The following TSGA10 variants were observed in gnomAD, a reference collection of about 807,000 sequenced individuals.
TSGA10 encodes testis specific 10, also known as testis-specific gene 10 protein.
A neutral mutation model predicts 96.6 loss-of-function variants in TSGA10; 43 were observed. That is an observed-to-expected ratio of 0.44 (90% CI 0.35 to 0.57). The LOEUF (loss-of-function observed/expected upper bound fraction) is 0.57, where lower values mean the gene tolerates loss of function less well. Ranked by LOEUF, TSGA10 falls within the 20% of genes least tolerant of loss-of-function variation. TSGA10 has a pLI of 0.01. For missense variants in TSGA10, 703 were observed against 834.4 expected (o/e 0.84, Z 1.94); for synonymous variants, 229 against 269.9 (o/e 0.85, Z 1.48).
intron 10 of TSGA10, among the ~76,000 whole-genome samples, chr2:99,095,603 C>G (rs2089950853): frequency 6.6e-6 from 1 of 151,944 alleles, no homozygotes; most frequent in Non-Finnish European, 1.5e-5. Context: ...TACAAATAAG[C>G]TCAATTAGAA....
At chr2:99,149,442 CT>C (rs35395900) in intron 1 of TSGA10, among the ~76,000 whole-genome samples, 142 of 132,776 alleles carry the variant, frequency 1.1e-3, no homozygotes, top group Admixed American at 1.1e-3. Flanking sequence ...ACATGATCAT[CT>C]TTTTTTTTTT....
chr2:99,120,790 T>C (rs541987851), intron 2 of TSGA10, among the ~76,000 whole-genome samples: 63 of 152,006 alleles, frequency 4.1e-4, no homozygotes, highest in African/African-American at 1.3e-3. Flanking sequence ...CCTCAAGATA[T>C]AGAACTGTTC....
In TSGA10 at chr2:99,035,210, T is replaced by G; in HGVS notation, c.1614+20A>C. On this transcript the variant is annotated intron_variant, in intron 17 of 20. Transcript: ENST00000393483. ...TTACAGTAATAGCAATTTTAAAGAT[T>G]TTTAAAATATATTACATACCATTTC... 2 of 1,541,320 alleles carry G rather than the reference T, an allele frequency of 1.3e-6. No homozygotes were observed. The highest frequency in any genetic ancestry group is 4.7e-5 in the East Asian group (2 of 42,812).
At chr2:99,060,411 T>A (rs115918601) in intron 16 of TSGA10, among the ~76,000 whole-genome samples, 2,694 of 152,242 alleles carry the variant, frequency 0.018, 36 homozygotes, top group South Asian at 0.047. Flanking sequence ...CACTGAAAAG[T>A]ACAAAACATT....
intron 2 of TSGA10, among the ~76,000 whole-genome samples, chr2:99,121,500 G>C (rs1405483738): frequency 2.8e-3 from 1 of 354 alleles, no homozygotes; most frequent in Non-Finnish European, 8.2e-3. Flanking sequence ...ATTTGAGACA[G>C]AATCTCATTC....
At chr2:99,053,012 T>C (rs2083568536) in intron 16 of TSGA10, among the ~76,000 whole-genome samples, 1 of 149,460 alleles carries the variant, frequency 6.7e-6, no homozygotes, top group African/African-American at 2.5e-5. Flanking sequence ...CAGTGAGCCT[T>C]GATGGCACCA....
chr2:99,069,045 T>C, intron 14 of TSGA10, 47 bp from the exon 15 acceptor site: 4 of 1,021,644 alleles, frequency 3.9e-6, no homozygotes, highest in Non-Finnish European at 5.5e-6. Context: ...ATAAAAAATT[T>C]CTATATCTCA....
chr2:99,140,538 T>C (rs973929401), intron 1 of TSGA10, among the ~76,000 whole-genome samples: 2 of 152,126 alleles, frequency 1.3e-5, no homozygotes, highest in Non-Finnish European at 2.9e-5. Context: ...ATCAAGTCCA[T>C]GATCACCTAG....
Position 99,077,647 on chromosome 2 carries a change from C to T in TSGA10, c.882+1012G>A, listed in dbSNP as rs1030499111. ...CCCAATCTCGGCTCACTGCAAGCTC[C>T]GCCTCCGGGGTTCAAGCGAGTCTCC... On this transcript the variant is annotated intron_variant, in intron 12 of 20. Transcript: ENST00000393483. Among the ~76,000 whole-genome samples the T allele has an allele frequency of 3.3e-5, 5 of 152,024 alleles. No individual in the cohort carries two copies. In the East Asian group the frequency reaches 5.9e-4, roughly 18 times the overall value.
intron 16 of TSGA10, among the ~76,000 whole-genome samples, chr2:99,051,434 G>C (rs142784499): frequency 6.6e-6 from 1 of 152,076 alleles, no homozygotes; most frequent in African/African-American, 2.4e-5. Flanking sequence ...TCAGAAATGC[G>C]TAAGAATATA....
At chr2:99,137,525 G>T (rs937795709) in intron 1 of TSGA10, among the ~76,000 whole-genome samples, 1 of 151,982 alleles carries the variant, frequency 6.6e-6, no homozygotes, top group African/African-American at 2.4e-5. Flanking sequence ...AGCCATTGGT[G>T]TATTTTTGAG....
intron 1 of TSGA10, chr2:99,147,498 G>T (rs746304487): frequency 6.2e-7 from 1 of 1,613,772 alleles, no homozygotes; most frequent in Non-Finnish European, 8.5e-7. Flanking sequence ...GTTAAGGTAA[G>T]ACTCACAGGG....
chr2:99,038,764 T>G (rs917977303), intron 16 of TSGA10, among the ~76,000 whole-genome samples: 1 of 152,106 alleles, frequency 6.6e-6, no homozygotes, highest in African/African-American at 2.4e-5. Flanking sequence ...ACAATGGACT[T>G]AAACTATACC....
chr2:99,107,062 A>G (rs2091420296), intron 7 of TSGA10, among the ~76,000 whole-genome samples: 1 of 152,114 alleles, frequency 6.6e-6, no homozygotes, highest in African/African-American at 2.4e-5. Flanking sequence ...ACAAACTCAC[A>G]TCTTTTTCCT....
chr2:99,154,028 T>C (rs1559162736), intron 1 of TSGA10, among the ~76,000 whole-genome samples: 1 of 152,360 alleles, frequency 6.6e-6, no homozygotes, highest in Non-Finnish European at 1.5e-5. Context: ...GGCTTTGTTG[T>C]TGTTTTGGCC....
chr2:99,085,609 TAAAAA>T (rs200309936), intron 10 of TSGA10, among the ~76,000 whole-genome samples: 4 of 52,470 alleles, frequency 7.6e-5, no homozygotes, highest in African/African-American at 3.5e-4. Flanking sequence ...ATCCTGTCTT[TAAAAA>T]AAAAAAAAAA....
Position 99,136,015 on chromosome 2 carries a change from A to AAAAAAAC in TSGA10, c.-620-8840_-620-8839insGTTTTTT, listed in dbSNP as rs1478502595. ...CAAGAGCGAGACTTCGTACCAAAAA[A>AAAAAAAC]AAAAAAGGGTCTGCATCATAGAGTT... On this transcript the variant is annotated intron_variant, in intron 1 of 20. Transcript: ENST00000393483. Among the ~76,000 whole-genome samples, 6 of 152,090 alleles carry AAAAAAAC rather than the reference A, an allele frequency of 3.9e-5. 1 individual carries two copies. The East Asian group carries it at 9.6e-4, about 24-fold the overall frequency.
At chr2:99,074,310 G>A (rs190093562) in intron 12 of TSGA10, among the ~76,000 whole-genome samples, 8 of 151,360 alleles carry the variant, frequency 5.3e-5, no homozygotes, top group South Asian at 4.2e-4. Flanking sequence ...CACTGCGCCC[G>A]GCCGTTCCTA....
At chr2:99,095,813 G>T (rs1237855728) in intron 10 of TSGA10, among the ~76,000 whole-genome samples, 3 of 152,276 alleles carry the variant, frequency 2.0e-5, no homozygotes, top group African/African-American at 7.2e-5. Flanking sequence ...GCTAATTTTT[G>T]TATTTTTAGT....
Sources: allele counts gnomAD v4.1 joint callset (sites outside exome capture counted in the v4.1 genomes callset), GRCh38; gene constraint gnomAD v4.1.1; transcripts MANE v1.5; gene names NCBI Gene and HGNC (gene_info 2026-07-23, HGNC 2026-07-21).